GALP: variants seen among roughly 807,000 people sequenced by gnomAD.
GALP encodes the protein galanin-like peptide.
GALP carries 12 observed loss-of-function variants against 15.2 expected under a neutral mutation model. That is an observed-to-expected ratio of 0.79 (90% CI 0.51 to 1.28). The LOEUF (loss-of-function observed/expected upper bound fraction) is 1.28. Ranked by LOEUF, GALP falls within the 50% of genes most tolerant of loss-of-function variation. The probability of loss-of-function intolerance (pLI) is 0.00; values close to 1 mark genes in which losing one functional copy is unlikely to be tolerated. For missense variants in GALP, 161 were observed against 145.6 expected (o/e 1.11, Z -0.55); for synonymous variants, 58 against 55.1 (o/e 1.05, Z -0.23).
rs1035049304 is a variant in GALP, at chr19:56,184,726, G to C, written c.296-489G>C. ...TCTCGATCTCCTGACCTCGTGATCT[G>C]CCTGCCTCGGCCTCCCCAAGTGCTG... is the stretch of plus-strand genomic sequence containing the variant. On this transcript the variant is annotated intron_variant, in intron 5 of 5. Coordinates refer to ENST00000357330, the MANE Select transcript of GALP (RefSeq NM_033106.4). Among the ~76,000 whole-genome samples the C allele has an allele frequency of 1.8e-4, 28 of 151,746 alleles. 1 individual carries two copies.
Position 56,182,193 on chromosome 19 carries a change from G to T in GALP, c.158G>T (p.Gly53Val), listed in dbSNP as rs36004192. 5,585 of 1,613,886 alleles carry T rather than the reference G, an allele frequency of 3.5e-3. 16 individuals are homozygous for T. Among genetic ancestry groups the T allele is most frequent in the Non-Finnish European group, 4.5e-3 (5,291 of 1,179,784 alleles). ...LGPVLHLPQM[G>V]DQDGKRETAL... ...CCAGTCCTCCACCTTCCCCAAATGG[G>T]TGACCAAGACGGAAAGAGGGAGACA... Residue 53 changes from glycine (G) to valine (V), a missense_variant, in exon 4 of 6, where the codon GGT becomes GTT. Coordinates refer to ENST00000357330, the MANE Select transcript of GALP (RefSeq NM_033106.4).
rs184096237 is a variant in GALP, at chr19:56,179,030, A to T, written c.88-1556A>T. 6.9e-3 allele frequency among the ~76,000 whole-genome samples: 1,052 copies of T among 152,140 alleles called. 6 individuals carry two copies. Among genetic ancestry groups the T allele is most frequent in the Middle Eastern group, 0.014 (4 of 294 alleles). On this transcript the variant is annotated intron_variant, in intron 2 of 5. Transcript: ENST00000357330. ...TGTCTCTATTAAAAATACAAAAATTAGCTGGGCCTTGTGGCAGGTGCCTGT... is the reference window on the plus strand; with the variant it reads ...TGTCTCTATTAAAAATACAAAAATTTGCTGGGCCTTGTGGCAGGTGCCTGT...
intron 2 of GALP, among the ~76,000 whole-genome samples, chr19:56,180,258 C>T (rs1023923445): frequency 6.6e-6 from 1 of 152,204 alleles, no homozygotes; most frequent in African/African-American, 2.4e-5. Context: ...GCTGTGGGCA[C>T]GATGTTGTGC....
Position 56,182,246 on chromosome 19 carries a change from G to T in GALP, c.211G>T (p.Ala71Ser). 1 of 1,612,998 alleles carries T rather than the reference G, an allele frequency of 6.2e-7. No individual in the cohort carries two copies. The highest frequency in any genetic ancestry group is 8.5e-7 in the Non-Finnish European group (1 of 1,179,010). The change falls in exon 4 of 6, where the codon GCC (alanine) becomes TCC (serine). Residue 71 changes from alanine (A) to serine (S), a missense_variant. Coordinates refer to ENST00000357330, the MANE Select transcript of GALP (RefSeq NM_033106.4). ...CCTTGAGATCCTAGACCTGTGGAAGGCCATCGGTGAGTGAGCGGGGAGTTA... is the reference window on the plus strand; with the variant it reads ...CCTTGAGATCCTAGACCTGTGGAAGTCCATCGGTGAGTGAGCGGGGAGTTA... ...TALEILDLWK[A>S]IDGLPYSHPP...
chr19:56,184,569 T>C (rs1257854770), intron 5 of GALP, among the ~76,000 whole-genome samples: 3 of 148,158 alleles, frequency 2.0e-5, no homozygotes, highest in Non-Finnish European at 3.0e-5. Context: ...CTGCAAGCTC[T>C]GCCTCCTGGG....
intron 5 of GALP, among the ~76,000 whole-genome samples, chr19:56,184,507 G>A (rs866034565): frequency 2.2e-4 from 26 of 115,672 alleles, no homozygotes; most frequent in South Asian, 7.9e-4. Flanking sequence ...TTTTTGAGAC[G>A]GAGTCTCGCT....
chr19:56,184,025 G>C (rs1195996750), intron 5 of GALP, among the ~76,000 whole-genome samples: 1 of 150,840 alleles, frequency 6.6e-6, no homozygotes, highest in Non-Finnish European at 1.5e-5. Flanking sequence ...GTGTGATCTT[G>C]GCTCACTGCA....
At chr19:56,177,871 G>A (rs73617539) in intron 2 of GALP, among the ~76,000 whole-genome samples, 3,828 of 152,238 alleles carry the variant, frequency 0.025, 162 homozygotes, top group African/African-American at 0.087. Context: ...TCATTATTTA[G>A]CCAAGAGGAT....
At chr19:56,182,906 A>G (rs1407775207) in intron 4 of GALP, among the ~76,000 whole-genome samples, 1 of 152,024 alleles carries the variant, frequency 6.6e-6, no homozygotes, top group Non-Finnish European at 1.5e-5. Flanking sequence ...GGTTTGTTAT[A>G]TAGGAAAACT....
In GALP at chr19:56,183,163, G is replaced by A; in HGVS notation, c.246G>A (p.Gln82=). The change falls in exon 5 of 6, where the codon CAG becomes CAA. Residue 82 remains glutamine (Q), a synonymous_variant. Transcript: ENST00000357330. ...GGCTCCCCTACTCCCACCCTCCACA[G>A]CCCTCCAAGAGGAATGTGATGGAGA... is the stretch of plus-strand genomic sequence containing the variant. ...IDGLPYSHPP[Q]PSKRNVMETF... is the part of the protein sequence containing the mutation. 6.2e-7 allele frequency: 1 copy of A among 1,613,680 alleles called. No individual in the cohort carries two copies. Among genetic ancestry groups the A allele is most frequent in the Non-Finnish European group, 8.5e-7 (1 of 1,179,694 alleles).
In GALP at chr19:56,177,289, G is replaced by A. The variant is rs751548621; in HGVS notation, c.87+94G>A. The A allele has an allele frequency of 5.9e-6, 6 of 1,020,630 alleles. No individual in the cohort carries two copies. In the African/African-American group the frequency reaches 9.6e-5, roughly 16 times the overall value. 63.2% of individuals were successfully genotyped at this position (1,020,630 alleles called of 1,614,324 possible). ...AAAAATGCTTCTGGCTTGTGTCAAG[G>A]GTCCTGGGGAAGAAGCTCAAATCCT... On this transcript the variant is annotated intron_variant, in intron 2 of 5. Transcript: ENST00000357330.
chr19:56,180,358 A>G (rs894373632), intron 2 of GALP, among the ~76,000 whole-genome samples: 3 of 152,128 alleles, frequency 2.0e-5, no homozygotes, highest in South Asian at 2.1e-4. Flanking sequence ...CCAGCCCCCA[A>G]TAACCACCTT....
At chr19:56,182,889 A>G (rs777826788) in intron 4 of GALP, among the ~76,000 whole-genome samples, 1 of 152,084 alleles carries the variant, frequency 6.6e-6, no homozygotes, top group Non-Finnish European at 1.5e-5. Flanking sequence ...TTGGGGGTAC[A>G]TGTGCAGGTT....
At chr19:56,178,894 G>A (rs1037424558) in intron 2 of GALP, among the ~76,000 whole-genome samples, 5 of 152,218 alleles carry the variant, frequency 3.3e-5, no homozygotes, top group Admixed American at 1.3e-4. Context: ...GAATCTACCG[G>A]CCGGGCACGG....
intron 3 of GALP, among the ~76,000 whole-genome samples, chr19:56,180,924 T>TC (rs2032556837): frequency 9.2e-6 from 1 of 108,216 alleles, no homozygotes; most frequent in African/African-American, 3.2e-5. Flanking sequence ...TCTTTTTTTT[T>TC]TTTTTTTTTT....
At position 56,177,055 on chromosome 19, in the gene GALP, G is replaced by A. The variant is rs1413850066; in HGVS notation, c.-39-15G>A. On this transcript the variant is annotated splice_polypyrimidine_tract_variant and intron_variant, in intron 1 of 5. Transcript: ENST00000357330. The stretch of plus-strand genomic sequence containing the variant: ...CCCCCGCTTCGGAAAATGACTGGCC[G>A]CTCTCTCCTTGCAGCGTGTTCCGCA... 9.4e-6 allele frequency: 13 copies of A among 1,378,542 alleles called. No individual in the cohort carries two copies. Among genetic ancestry groups the A allele is most frequent in the East Asian group, 7.2e-5 (3 of 41,488 alleles). The allele number at this position is 1,378,542 out of a possible 1,614,324, so 85.4% of individuals were successfully genotyped here.
At chr19:56,183,106 G>C in intron 4 of GALP, 29 bp from the exon 5 acceptor site, 1 of 1,487,552 alleles carries the variant, frequency 6.7e-7, no homozygotes, top group East Asian at 2.3e-5. Flanking sequence ...CTACGAACGT[G>C]TGTGTGAATG....
At chr19:56,181,995 C>A (rs185105212) in intron 3 of GALP, among the ~76,000 whole-genome samples, 177 bp from the exon 4 acceptor site, 1 of 152,138 alleles carries the variant, frequency 6.6e-6, no homozygotes, top group Non-Finnish European at 1.5e-5. Flanking sequence ...AGCAAGTGAC[C>A]GCTTGCAGCT....
chr19:56,179,640 C>CTT (rs369518593), intron 2 of GALP, among the ~76,000 whole-genome samples: 20 of 137,920 alleles, frequency 1.5e-4, no homozygotes, highest in African/African-American at 4.3e-4. Context: ...AAGAGCCTCT[C>CTT]TTTTTTTTTT....
Sources: allele counts gnomAD v4.1 joint callset (sites outside exome capture counted in the v4.1 genomes callset), GRCh38; gene constraint gnomAD v4.1.1; transcripts MANE v1.5; gene names NCBI Gene and HGNC (gene_info 2026-07-23, HGNC 2026-07-21).